COL21A1: variants seen among roughly 807,000 people sequenced by gnomAD.
The protein encoded by COL21A1 is collagen type XXI alpha 1 chain, also known as collagen alpha-1(XXI) chain.
In COL21A1, 149 loss-of-function variants were observed where a neutral mutation model predicts 137.9. The ratio of observed to expected loss-of-function variants is 1.08; its 90% CI spans 0.95 to 1.24. COL21A1 has a LOEUF of 1.24. COL21A1 is among the 50% of genes most tolerant of loss of function. The pLI, the probability that COL21A1 is intolerant of heterozygous loss-of-function variation, is 0.00. For synonymous variants in COL21A1, 456 were observed against 391.5 expected (o/e 1.16, Z -1.95); for missense variants, 1,167 against 1,158.4 (o/e 1.01, Z -0.11).
chr6:56,321,192 A>G (rs1446871132), intron 1 of COL21A1, among the ~76,000 whole-genome samples: 2 of 152,172 alleles, frequency 1.3e-5, no homozygotes, highest in Non-Finnish European at 2.9e-5. Flanking sequence ...TTATGAGTCA[A>G]GGCATTGATT....
At chr6:56,118,992 AT>A (rs1451512326) in intron 16 of COL21A1, among the ~76,000 whole-genome samples, 1 of 151,970 alleles carries the variant, frequency 6.6e-6, no homozygotes, top group Non-Finnish European at 1.5e-5. Context: ...GGACAAAAAA[AT>A]AAAAGCCTTT....
intron 16 of COL21A1, among the ~76,000 whole-genome samples, chr6:56,102,293 G>T (rs1372924647): frequency 6.6e-6 from 1 of 152,020 alleles, no homozygotes; most frequent in Non-Finnish European, 1.5e-5. Flanking sequence ...CAAAATAAAG[G>T]ATAGCAAGGA....
intron 1 of COL21A1, among the ~76,000 whole-genome samples, chr6:56,183,940 G>A (rs1326551336): frequency 2.0e-5 from 3 of 151,994 alleles, no homozygotes; most frequent in Non-Finnish European, 2.9e-5. Context: ...TGCATCCACT[G>A]GAGGAAAAGA....
At chr6:56,374,720 C>CAAAAA (rs34067784) in intron 1 of COL21A1, among the ~76,000 whole-genome samples, 2 of 86,390 alleles carry the variant, frequency 2.3e-5, no homozygotes, top group African/African-American at 8.6e-5. Context: ...GACTTCGTCT[C>CAAAAA]AAAAAAAAAA....
In COL21A1 at chr6:56,285,814, C is replaced by T. The variant is rs550978015; in HGVS notation, c.-38-103158G>A. On this transcript the variant is annotated intron_variant, in intron 1 of 28. Transcript: ENST00000370819. Reference sequence around the variant, plus strand: ...ACCCTCCCTCATTAGCCCACCATCTCACCATCCTGAAGGCACAGTCTTTGC... The same window carrying T: ...ACCCTCCCTCATTAGCCCACCATCTTACCATCCTGAAGGCACAGTCTTTGC... Among the ~76,000 whole-genome samples the T allele has an allele frequency of 9.9e-4, 143 of 144,824 alleles. 3 individuals carry two copies. Among genetic ancestry groups the T allele is most frequent in the Admixed American group, 9.7e-3 (140 of 14,492 alleles).
chr6:56,138,882 T>C (rs1215091447), intron 12 of COL21A1, among the ~76,000 whole-genome samples: 4 of 152,092 alleles, frequency 2.6e-5, no homozygotes, highest in Non-Finnish European at 5.9e-5. Context: ...GATCATCCTT[T>C]AGGCTATTGG....
intron 1 of COL21A1, among the ~76,000 whole-genome samples, chr6:56,310,729 A>G (rs72870232): frequency 0.014 from 2,113 of 152,316 alleles, 22 homozygotes; most frequent in South Asian, 0.022. Flanking sequence ...CAAAAGCTTT[A>G]CCATCCAATG....
intron 9 of COL21A1, among the ~76,000 whole-genome samples, chr6:56,159,407 A>G (rs1279153051): frequency 1.4e-5 from 2 of 147,606 alleles, no homozygotes; most frequent in Non-Finnish European, 3.0e-5. Flanking sequence ...ATCCTGGCTC[A>G]CCACAACCTC....
intron 16 of COL21A1, among the ~76,000 whole-genome samples, chr6:56,105,118 G>C (rs1012488877): frequency 2.0e-5 from 3 of 152,166 alleles, no homozygotes; most frequent in African/African-American, 7.2e-5. Context: ...AAACAGACAG[G>C]ACATTTGGAA....
intron 10 of COL21A1, among the ~76,000 whole-genome samples, chr6:56,148,368 G>GAGAGAGAGAGAGAGAGAGAGA (rs1208798741): frequency 6.7e-6 from 1 of 150,116 alleles, no homozygotes; most frequent in African/African-American, 2.5e-5. Flanking sequence ...GAGAGAGAGA[G>GAGAGAGAGAGAGAGAGAGAGA]AAACACATAA....
intron 17 of COL21A1, among the ~76,000 whole-genome samples, chr6:56,090,909 G>A (rs1362613205): frequency 2.0e-5 from 3 of 151,996 alleles, no homozygotes; most frequent in Non-Finnish European, 4.4e-5. Context: ...TACCACTCCT[G>A]GAGCCTGAAA....
In COL21A1 at chr6:56,310,328, G is replaced by A. The variant is rs12212919; in HGVS notation, c.-39+83643C>T. On this transcript the variant is annotated intron_variant, in intron 1 of 28. Coordinates refer to the COL21A1 transcript ENST00000370819. ...AAAGCTGGGGGTCTCAACACCAGCC[G>A]CACATTGGAACCTACTAGGGAGTTT... Among the ~76,000 whole-genome samples the A allele has an allele frequency of 8.8e-3, 1,332 of 152,216 alleles. 11 individuals are homozygous for A. Among genetic ancestry groups the A allele is most frequent in the Non-Finnish European group, 9.1e-3 (622 of 68,014 alleles).
At position 56,088,363 on chromosome 6, in the gene COL21A1, C is replaced by CA. The variant is rs921639567; in HGVS notation, c.1813-10791dup. Among the ~76,000 whole-genome samples the CA allele has an allele frequency of 2.3e-4, 34 of 150,568 alleles. No homozygotes were observed. The South Asian group carries it at 3.2e-3, about 14-fold the overall frequency. The stretch of plus-strand genomic sequence containing the variant: ...TGGGCAACAGAGTGAGACTCCATCT[C>CA]AAAAAAAAATAATTTTGCTCTTTAA... On this transcript the variant is annotated intron_variant, in intron 17 of 29. Transcript: ENST00000244728.
chr6:56,392,572 T>C (rs1328414646), intron 1 of COL21A1, among the ~76,000 whole-genome samples: 1 of 152,130 alleles, frequency 6.6e-6, no homozygotes, highest in African/African-American at 2.4e-5. Flanking sequence ...TTGCAGATAA[T>C]ATGATCTTAT....
chr6:56,319,868 A>T (rs1210010023), intron 1 of COL21A1, among the ~76,000 whole-genome samples: 1 of 152,134 alleles, frequency 6.6e-6, no homozygotes, highest in Non-Finnish European at 1.5e-5. Context: ...GGTCTGTACT[A>T]GTTCCTCCAT....
intron 1 of COL21A1, among the ~76,000 whole-genome samples, chr6:56,261,272 A>T (rs1379011776): frequency 6.6e-6 from 1 of 152,086 alleles, no homozygotes; most frequent in Non-Finnish European, 1.5e-5. Flanking sequence ...CCTCACCCGA[A>T]TCATGCTCCT....
At chr6:56,128,830 T>C (rs1023433678) in intron 12 of COL21A1, among the ~76,000 whole-genome samples, 3 of 152,088 alleles carry the variant, frequency 2.0e-5, no homozygotes, top group Non-Finnish European at 4.4e-5. Flanking sequence ...AATTTTTGTA[T>C]TTTTAGTAGA....
At chr6:56,157,307 CTTTTTTTTTT>C (rs34605782) in intron 9 of COL21A1, among the ~76,000 whole-genome samples, 2 of 94,036 alleles carry the variant, frequency 2.1e-5, no homozygotes, top group Non-Finnish European at 4.1e-5. Flanking sequence ...ACTCATAAGA[CTTTTTTTTTT>C]TTTTTTTTTT....
At chr6:56,224,794 C>A (rs150898455) in intron 1 of COL21A1, among the ~76,000 whole-genome samples, 2 of 151,952 alleles carry the variant, frequency 1.3e-5, no homozygotes, top group Admixed American at 1.3e-4. Flanking sequence ...TTCATTTGGA[C>A]AAATATGCTG....
Sources: allele counts gnomAD v4.1 joint callset (sites outside exome capture counted in the v4.1 genomes callset), GRCh38; gene constraint gnomAD v4.1.1; transcripts MANE v1.5; gene names NCBI Gene and HGNC (gene_info 2026-07-23, HGNC 2026-07-21).